Variants in RALGAPA2 observed in about 807,000 individuals in gnomAD.
RALGAPA2 encodes ral GTPase-activating protein subunit alpha-2.
A neutral mutation model predicts 230.4 loss-of-function variants in RALGAPA2; 139 were observed. That is an observed-to-expected ratio of 0.60 (90% confidence interval 0.53 to 0.69). The LOEUF (loss-of-function observed/expected upper bound fraction) is 0.69. RALGAPA2 is among the 30% of genes least tolerant of loss of function. RALGAPA2 has a pLI of 0.00. For synonymous variants in RALGAPA2, 847 were observed against 837.8 expected (o/e 1.01, Z -0.19); for missense variants, 2,163 against 2,276.0 (o/e 0.95, Z 1.01).
chr20:20,663,096 A>T (rs2067837802), intron 3 of RALGAPA2, among the ~76,000 whole-genome samples: 1 of 152,182 alleles, frequency 6.6e-6, no homozygotes, highest in Admixed American at 6.5e-5. Flanking sequence ...ATTACATCAC[A>T]CAGCATCTGA....
At chr20:20,555,068 G>A (rs947216221) in intron 23 of RALGAPA2, among the ~76,000 whole-genome samples, 1 of 152,062 alleles carries the variant, frequency 6.6e-6, no homozygotes, top group Non-Finnish European at 1.5e-5. Flanking sequence ...TCATATTTAG[G>A]ACACAGAACC....
At chr20:20,459,354 C>G (rs1465496735) in intron 37 of RALGAPA2, among the ~76,000 whole-genome samples, 2 of 151,530 alleles carry the variant, frequency 1.3e-5, no homozygotes, top group East Asian at 3.9e-4. Context: ...ACTAGTAAAG[C>G]AGAACTTGTA....
At chr20:20,619,187 T>G (rs1214351675) in intron 12 of RALGAPA2, 90 bp downstream of exon 12, 7 of 1,252,878 alleles carry the variant, frequency 5.6e-6, no homozygotes, top group Non-Finnish European at 7.3e-6. Flanking sequence ...CCACCATACT[T>G]TATATGACAT....
intron 19 of RALGAPA2, 23 bp from the exon 20 acceptor site, chr20:20,583,249 GT>G (rs758608160): frequency 6.4e-7 from 1 of 1,567,854 alleles, no homozygotes; most frequent in Admixed American, 1.9e-5. Flanking sequence ...AAGAACCAAA[GT>G]TTAAGATAAA....
At chr20:20,605,104 G>A in intron 15 of RALGAPA2, 71 bp downstream of exon 15, 1 of 1,324,282 alleles carries the variant, frequency 7.6e-7, no homozygotes, top group African/African-American at 1.5e-5. Context: ...CGCATTAATT[G>A]CTTAGTCATA....
At chr20:20,616,584 GAGT>G (rs2066148893) in intron 12 of RALGAPA2, among the ~76,000 whole-genome samples, 1 of 152,114 alleles carries the variant, frequency 6.6e-6, no homozygotes, top group Non-Finnish European at 1.5e-5. Flanking sequence ...GGAATGGGAG[GAGT>G]AGAGGATAGA....
At chr20:20,684,477 C>G (rs1433010620) in intron 1 of RALGAPA2, among the ~76,000 whole-genome samples, 1 of 152,178 alleles carries the variant, frequency 6.6e-6, no homozygotes, top group Non-Finnish European at 1.5e-5. Flanking sequence ...GGCCAAAAGT[C>G]CAGGTAACAA....
intron 37 of RALGAPA2, among the ~76,000 whole-genome samples, chr20:20,450,185 CT>C (rs2060956826): frequency 6.6e-6 from 1 of 152,210 alleles, no homozygotes; most frequent in Non-Finnish European, 1.5e-5. Flanking sequence ...GCGTCCTCAA[CT>C]ATTTCTCAAG....
intron 28 of RALGAPA2, among the ~76,000 whole-genome samples, chr20:20,525,501 G>C (rs2063173546): frequency 6.6e-6 from 1 of 152,174 alleles, no homozygotes; most frequent in Admixed American, 6.5e-5. Context: ...AATCTGTCTA[G>C]GGCTGAGAGA....
At chr20:20,638,415 A>C (rs1295364367) in intron 7 of RALGAPA2, among the ~76,000 whole-genome samples, 1 of 152,222 alleles carries the variant, frequency 6.6e-6, no homozygotes, top group African/African-American at 2.4e-5. Flanking sequence ...AGCATCCATA[A>C]CCTGCCAAAA....
chr20:20,671,355 T>C (rs1454368407), intron 3 of RALGAPA2, among the ~76,000 whole-genome samples: 5 of 152,254 alleles, frequency 3.3e-5, no homozygotes, highest in African/African-American at 1.2e-4. Context: ...ATAGAATATC[T>C]CTACATGGTA....
chr20:20,635,684 T>A (rs1052788062), intron 8 of RALGAPA2, 67 bp from the exon 9 acceptor site: 339 of 1,332,412 alleles, frequency 2.5e-4, no homozygotes, highest in Non-Finnish European at 3.3e-4. Flanking sequence ...TCCCTACAAA[T>A]GTTTTGGTTT....
Position 20,601,826 on chromosome 20 carries a change from T to C in RALGAPA2, c.2059A>G (p.Lys687Glu). ...AAGGACCTCCCCACGGTGGTTCCTTTCTGAGGATCTAGAACACAGCCTGAT... is the reference window on the plus strand; with the variant it reads ...AAGGACCTCCCCACGGTGGTTCCTTCCTGAGGATCTAGAACACAGCCTGAT... ...RGKGCVLDPQKGTTVGRSFSL... is the reference protein window; with the variant it reads ...RGKGCVLDPQEGTTVGRSFSL... Residue 687 changes from lysine to glutamate, a missense_variant, in exon 16 of 40, where the codon AAA (lysine) becomes GAA (glutamate). Lys to Glu is a moderately conservative substitution (Grantham distance 56). Transcript: ENST00000202677. 1 of 1,608,080 alleles carries C rather than the reference T, an allele frequency of 6.2e-7. No homozygotes were observed. The highest frequency in any genetic ancestry group is 1.3e-5 in the African/African-American group (1 of 74,730).
At chr20:20,455,148 C>T (rs968821254) in intron 37 of RALGAPA2, among the ~76,000 whole-genome samples, 4 of 152,190 alleles carry the variant, frequency 2.6e-5, no homozygotes, top group Admixed American at 6.5e-5. Flanking sequence ...ATCTAAGCCC[C>T]GGAGCTGCTG....
intron 12 of RALGAPA2, among the ~76,000 whole-genome samples, chr20:20,618,908 T>C (rs1449950384): frequency 6.6e-6 from 1 of 152,228 alleles, no homozygotes; most frequent in Non-Finnish European, 1.5e-5. Context: ...CTTATAAGAT[T>C]TTATAATTGC....
chr20:20,609,952 A>G (rs943361634), intron 14 of RALGAPA2, among the ~76,000 whole-genome samples: 4 of 152,226 alleles, frequency 2.6e-5, no homozygotes, highest in African/African-American at 7.2e-5. Flanking sequence ...AATTATTTCA[A>G]TAGCCTCTCA....
At chr20:20,669,161 G>A (rs764386137) in intron 3 of RALGAPA2, among the ~76,000 whole-genome samples, 6 of 152,156 alleles carry the variant, frequency 3.9e-5, no homozygotes, top group Non-Finnish European at 2.9e-5. Context: ...CTCTTGTGTC[G>A]ATGTATTTTA....
At chr20:20,621,163 G>GA (rs1056165883) in intron 10 of RALGAPA2, among the ~76,000 whole-genome samples, 1 of 149,982 alleles carries the variant, frequency 6.7e-6, no homozygotes, top group Non-Finnish European at 1.5e-5. Context: ...AAGGAAGAAT[G>GA]AAAAAAATAA....
chr20:20,690,977 G>A (rs1006559093), intron 1 of RALGAPA2, among the ~76,000 whole-genome samples: 3 of 152,046 alleles, frequency 2.0e-5, no homozygotes, highest in Non-Finnish European at 4.4e-5. Flanking sequence ...CACTCCTGGT[G>A]GTTTCAACAT....
Sources: gnomAD v4.1 joint callset for allele counts (sites outside exome capture counted in the v4.1 genomes callset) on GRCh38, gnomAD v4.1.1 for gene constraint, MANE v1.5 for transcripts, NCBI Gene and HGNC (gene_info 2026-07-23, HGNC 2026-07-21) for gene names.